The following SYNJ2 variants were observed in gnomAD, a reference collection of about 807,000 sequenced individuals.
SYNJ2 encodes polyphosphatidylinositol phosphatase SYNJ2.
Under a neutral mutation model 141.3 loss-of-function variants are expected in SYNJ2, and 116 were observed. The observed-to-expected ratio is 0.82, with a 90% CI of 0.71 to 0.96. The LOEUF (loss-of-function observed/expected upper bound fraction) is 0.96. SYNJ2 is among the 40% of genes least tolerant of loss of function. The pLI is 0.00. For missense variants in SYNJ2, 1,873 were observed against 1,934.8 expected (o/e 0.97, Z 0.60); for synonymous variants, 745 against 777.7 (o/e 0.96, Z 0.70).
At chr6:157,985,391 T>C (rs945051086) in intron 1 of SYNJ2, among the ~76,000 whole-genome samples, 1 of 152,220 alleles carries the variant, frequency 6.6e-6, no homozygotes, top group Admixed American at 6.5e-5. Context: ...TTTATGTAGA[T>C]CAGTGGGAGC....
At chr6:158,080,507 C>T (rs866608126) in intron 18 of SYNJ2, among the ~76,000 whole-genome samples, 2 of 149,712 alleles carry the variant, frequency 1.3e-5, no homozygotes, top group Non-Finnish European at 3.0e-5. Context: ...CGAGCATTTC[C>T]CTTTTTTTTT....
chr6:157,999,283 T>C (rs9355468), intron 1 of SYNJ2, among the ~76,000 whole-genome samples: 61,052 of 152,150 alleles, frequency 0.4, 13,311 homozygotes, highest in African/African-American at 0.59. Context: ...CCCCACTCTC[T>C]TGCCATCTCC....
Position 158,069,612 on chromosome 6 carries a change from G to C in SYNJ2, c.1879G>C (p.Ala627Pro). Reference protein sequence around the residue: ...RSHRYILLTSAQLVGVCLYIF... With the variant: ...RSHRYILLTSPQLVGVCLYIF... ...TCATAGATACATTCTGTTGACTTCG[G>C]CACAGCTGGTGGGCGTCTGTCTTTA... The change falls in exon 14 of 27, where the codon GCA becomes CCA. Residue 627 changes from alanine (A) to proline (P), a missense_variant. Coordinates refer to ENST00000355585, the MANE Select transcript of SYNJ2 (RefSeq NM_003898.4). 1 of 1,613,976 alleles carries C rather than the reference G, an allele frequency of 6.2e-7. No individual in the cohort carries two copies.
chr6:158,053,543 T>C (rs1180023387), intron 5 of SYNJ2, among the ~76,000 whole-genome samples: 6 of 151,596 alleles, frequency 4.0e-5, no homozygotes, highest in Non-Finnish European at 8.8e-5. Context: ...GATTCACCCA[T>C]CTGTCACCCA....
At chr6:158,052,277 A>G (rs2502619) in intron 5 of SYNJ2, among the ~76,000 whole-genome samples, 54,987 of 152,038 alleles carry the variant, frequency 0.36, 10,220 homozygotes, top group South Asian at 0.43. Context: ...ACAAGAGGGA[A>G]CTCCCATATG....
intron 13 of SYNJ2, among the ~76,000 whole-genome samples, chr6:158,069,113 G>A (rs1231348242): frequency 4.6e-5 from 7 of 152,098 alleles, no homozygotes; most frequent in African/African-American, 1.7e-4. Context: ...GAGAAAGTGT[G>A]AGTGCCGGGA....
At chr6:157,987,797 C>T (rs546840093) in intron 1 of SYNJ2, among the ~76,000 whole-genome samples, 6 of 152,224 alleles carry the variant, frequency 3.9e-5, no homozygotes, top group Non-Finnish European at 5.9e-5. Context: ...TATGCAAGTT[C>T]GAAATTTACT....
At chr6:158,076,893 A>G (rs1280193504) in intron 17 of SYNJ2, 111 bp downstream of exon 17, 18 of 1,327,704 alleles carry the variant, frequency 1.4e-5, no homozygotes, top group Non-Finnish European at 1.8e-5. Flanking sequence ...CAGTTTCTTC[A>G]TAACCCCAGA....
intron 1 of SYNJ2, among the ~76,000 whole-genome samples, chr6:157,992,240 C>T (rs938430405): frequency 2.0e-5 from 3 of 151,930 alleles, no homozygotes; most frequent in Non-Finnish European, 2.9e-5. Flanking sequence ...TTGTTTTACT[C>T]ATTAACCATC....
intron 1 of SYNJ2, among the ~76,000 whole-genome samples, chr6:158,005,209 C>T (rs945754448): frequency 2.0e-5 from 3 of 151,966 alleles, no homozygotes; most frequent in Non-Finnish European, 4.4e-5. Flanking sequence ...TCCCTAGTAG[C>T]TGGGACTACA....
intron 1 of SYNJ2, among the ~76,000 whole-genome samples, chr6:157,999,766 C>T (rs564448281): frequency 6.6e-6 from 1 of 152,286 alleles, no homozygotes; most frequent in Non-Finnish European, 1.5e-5. Flanking sequence ...GCAGGCATCC[C>T]GGGCAGGTAG....
chr6:157,995,782 C>T (rs766797526), intron 1 of SYNJ2, among the ~76,000 whole-genome samples: 10 of 152,176 alleles, frequency 6.6e-5, no homozygotes, highest in Non-Finnish European at 1.3e-4. Flanking sequence ...ATAAATTGGC[C>T]GCTTTTCAAC....
At position 158,067,867 on chromosome 6, in the gene SYNJ2, GC is replaced by G. The variant is rs1171666946; in HGVS notation, c.1718-779del. 1.5e-5 allele frequency: 15 copies of G among 985,226 alleles called. No individual in the cohort carries two copies. The African/African-American group carries it at 2.6e-4, about 17-fold the overall frequency. The allele number at this position is 985,226 out of a possible 1,614,324, so 61.0% of individuals were successfully genotyped here. Reference sequence around the variant, plus strand: ...GAAGCCATTCAGGATGCCCTCCGGAGCAGGCCCATCAACGCGGAGAGTGCTT... The same window carrying G: ...GAAGCCATTCAGGATGCCCTCCGGAGAGGCCCATCAACGCGGAGAGTGCTT... On this transcript the variant is annotated intron_variant, in intron 12 of 26. Transcript: ENST00000355585.
At chr6:158,029,108 C>T (rs1269429134) in intron 3 of SYNJ2, 82 bp downstream of exon 3, 1 of 1,538,794 alleles carries the variant, frequency 6.5e-7, no homozygotes, top group Non-Finnish European at 8.7e-7. Context: ...GAGGCCTTGA[C>T]CTCCACTTGC....
intron 1 of SYNJ2, among the ~76,000 whole-genome samples, chr6:158,015,447 G>C (rs909987209): frequency 6.6e-6 from 1 of 152,296 alleles, no homozygotes; most frequent in East Asian, 1.9e-4. Flanking sequence ...AGGATTTGAG[G>C]ATTAGTTTTC....
chr6:158,020,508 G>T (rs1778711477), intron 2 of SYNJ2, among the ~76,000 whole-genome samples: 1 of 150,908 alleles, frequency 6.6e-6, no homozygotes, highest in African/African-American at 2.4e-5. Flanking sequence ...GACCCCACCT[G>T]TGTGACTCCA....
At chr6:158,088,510 G>C (rs1348645228) in intron 23 of SYNJ2, 150 bp from the exon 24 acceptor site, 1 of 629,802 alleles carries the variant, frequency 1.6e-6, no homozygotes, top group Admixed American at 2.7e-5. Flanking sequence ...GCCTGGCTCT[G>C]TGGGTGCCCT....
At chr6:158,081,915 A>G (rs1031567386) in intron 20 of SYNJ2, among the ~76,000 whole-genome samples, 7 of 151,986 alleles carry the variant, frequency 4.6e-5, no homozygotes, top group Non-Finnish European at 8.8e-5. Flanking sequence ...CGATCTCCCA[A>G]TGTGTTGAGA....
chr6:158,051,484 G>C (rs1780560177), intron 5 of SYNJ2, among the ~76,000 whole-genome samples: 1 of 151,902 alleles, frequency 6.6e-6, no homozygotes, highest in Non-Finnish European at 1.5e-5. Context: ...AAAGGACAGA[G>C]GTAACACAGG....
Sources: gnomAD v4.1 joint callset for allele counts (sites outside exome capture counted in the v4.1 genomes callset) on GRCh38, gnomAD v4.1.1 for gene constraint, MANE v1.5 for transcripts, NCBI Gene and HGNC (gene_info 2026-07-23, HGNC 2026-07-21) for gene names.